The following SLC24A3 variants were observed in gnomAD, a reference collection of about 807,000 sequenced individuals.
SLC24A3 encodes the protein solute carrier family 24 member 3.
In SLC24A3, 28 loss-of-function variants were observed where a neutral mutation model predicts 75.8. That is an observed-to-expected ratio of 0.37 (90% CI 0.27 to 0.51). The LOEUF is 0.51. Among genes scored for constraint, SLC24A3 ranks in the 20% least tolerant of loss-of-function variants. The pLI is 0.94. For missense variants in SLC24A3, 663 were observed against 847.8 expected, an observed-to-expected ratio of 0.78 and a Z score of 2.71; for synonymous variants, 372 against 334.1, an observed-to-expected ratio of 1.11 and a Z score of -1.24.
intron 1 of SLC24A3, among the ~76,000 whole-genome samples, chr20:19,271,163 A>T (rs1467519237): frequency 6.6e-6 from 1 of 152,284 alleles, no homozygotes; most frequent in East Asian, 1.9e-4. Context: ...GGATGTTCTG[A>T]AAAGAGAAAG....
intron 6 of SLC24A3, among the ~76,000 whole-genome samples, chr20:19,613,228 T>C (rs2122665873): frequency 6.6e-6 from 1 of 152,330 alleles, no homozygotes; most frequent in Middle Eastern, 3.4e-3. Context: ...TTGTGTATTA[T>C]AAAACTTCCT....
In SLC24A3 at chr20:19,573,612, G is replaced by T. The variant is rs781162583; in HGVS notation, c.349-6388G>T. On this transcript the variant is annotated intron_variant, in intron 3 of 16. Transcript: ENST00000328041. Reference sequence around the variant, plus strand: ...GATTTCAGGAATTAGTCCAGATGGTGCATGGTGTCCTCAGGGCCCTGCTGC... The same window carrying T: ...GATTTCAGGAATTAGTCCAGATGGTTCATGGTGTCCTCAGGGCCCTGCTGC... Among the ~76,000 whole-genome samples the T allele has an allele frequency of 2.6e-4, 40 of 152,220 alleles. 1 individual carries two copies. The highest frequency in any genetic ancestry group is 1.0e-4 in the Non-Finnish European group (7 of 68,040).
chr20:19,673,566 A>T (rs1305082071), intron 8 of SLC24A3, 35 bp from the exon 9 acceptor site: 1 of 1,598,466 alleles, frequency 6.3e-7, no homozygotes, highest in East Asian at 2.2e-5. Context: ...ACAGATGTCC[A>T]TGACTGTCTT....
intron 12 of SLC24A3, among the ~76,000 whole-genome samples, chr20:19,690,575 A>T (rs1408848920): frequency 2.6e-5 from 4 of 152,182 alleles, no homozygotes; most frequent in Non-Finnish European, 5.9e-5. Flanking sequence ...GGCATCAGCC[A>T]TATGGAAGGC....
intron 4 of SLC24A3, among the ~76,000 whole-genome samples, chr20:19,581,229 G>A (rs1348905650): frequency 2.0e-5 from 3 of 152,144 alleles, no homozygotes; most frequent in African/African-American, 7.2e-5. Flanking sequence ...TGAGAGTGGG[G>A]TCACCTTATG....
At chr20:19,439,607 A>G (rs1232751216) in intron 2 of SLC24A3, among the ~76,000 whole-genome samples, 1 of 152,208 alleles carries the variant, frequency 6.6e-6, no homozygotes, top group Non-Finnish European at 1.5e-5. Context: ...AGCCTGATTC[A>G]CCAAAAACAA....
intron 3 of SLC24A3, among the ~76,000 whole-genome samples, chr20:19,534,322 A>T (rs1181880780): frequency 6.6e-6 from 1 of 152,260 alleles, no homozygotes; most frequent in Admixed American, 6.5e-5. Flanking sequence ...AGCAACAGGC[A>T]ATCTGAGACC....
chr20:19,233,331 A>G (rs1347186537), intron 1 of SLC24A3, among the ~76,000 whole-genome samples: 1 of 152,194 alleles, frequency 6.6e-6, no homozygotes, highest in Non-Finnish European at 1.5e-5. Flanking sequence ...TTTGCCTAAG[A>G]TGGCAAGAAC....
At chr20:19,409,869 A>G (rs1186447341) in intron 2 of SLC24A3, among the ~76,000 whole-genome samples, 1 of 150,524 alleles carries the variant, frequency 6.6e-6, no homozygotes, top group Non-Finnish European at 1.5e-5. Context: ...ATATATATGT[A>G]TTCAAAAAAT....
intron 15 of SLC24A3, among the ~76,000 whole-genome samples, chr20:19,712,645 T>G (rs2033003942): frequency 6.6e-6 from 1 of 152,182 alleles, no homozygotes; most frequent in African/African-American, 2.4e-5. Flanking sequence ...TCTTCATTAA[T>G]GGCTAGCCTG....
At chr20:19,291,198 TC>T (rs569735407) in intron 2 of SLC24A3, among the ~76,000 whole-genome samples, 98 of 152,278 alleles carry the variant, frequency 6.4e-4, no homozygotes, top group African/African-American at 2.3e-3. Flanking sequence ...TCTCTGACAC[TC>T]CCAGGCCTGG....
chr20:19,579,330 G>T (rs2031185821), intron 3 of SLC24A3, among the ~76,000 whole-genome samples: 1 of 152,158 alleles, frequency 6.6e-6, no homozygotes, highest in African/African-American at 2.4e-5. Flanking sequence ...GGAATACCCT[G>T]GTCATAGCTG....
At chr20:19,408,492 C>T (rs180692981) in intron 2 of SLC24A3, among the ~76,000 whole-genome samples, 5 of 151,720 alleles carry the variant, frequency 3.3e-5, no homozygotes, top group African/African-American at 4.8e-5. Context: ...CAGGTTCAAG[C>T]GATTCTCCTG....
intron 6 of SLC24A3, among the ~76,000 whole-genome samples, chr20:19,645,395 A>G (rs2032125412): frequency 6.6e-6 from 1 of 152,216 alleles, no homozygotes; most frequent in African/African-American, 2.4e-5. Context: ...ATCAGGGATC[A>G]CAGATGCATA....
chr20:19,449,950 A>G (rs1170825881), intron 2 of SLC24A3, among the ~76,000 whole-genome samples: 1 of 152,206 alleles, frequency 6.6e-6, no homozygotes, highest in East Asian at 1.9e-4. Flanking sequence ...TCATTTATGC[A>G]TGCATTCATT....
chr20:19,431,333 C>T (rs1987099390), intron 2 of SLC24A3, among the ~76,000 whole-genome samples: 1 of 152,064 alleles, frequency 6.6e-6, no homozygotes, highest in South Asian at 2.1e-4. Context: ...ACCCCTGCAC[C>T]TTCTGACCCA....
chr20:19,679,268 A>G (rs1476893110), intron 9 of SLC24A3, among the ~76,000 whole-genome samples: 3 of 152,184 alleles, frequency 2.0e-5, no homozygotes, highest in African/African-American at 7.2e-5. Flanking sequence ...CCGGAGGCCG[A>G]GGCTGGCGGA....
chr20:19,264,844 G>C (rs983210148), intron 1 of SLC24A3, among the ~76,000 whole-genome samples: 9 of 152,126 alleles, frequency 5.9e-5, no homozygotes, highest in African/African-American at 2.2e-4. Flanking sequence ...TCTTCACGTG[G>C]ACAATTCTGG....
At chr20:19,412,521 CAGG>C (rs1350489187) in intron 2 of SLC24A3, among the ~76,000 whole-genome samples, 2 of 150,134 alleles carry the variant, frequency 1.3e-5, no homozygotes, top group Non-Finnish European at 3.0e-5. Flanking sequence ...GATGAGGAAG[CAGG>C]AGGAGAAGGA....
Sources: gnomAD v4.1 joint callset for allele counts (sites outside exome capture counted in the v4.1 genomes callset) on GRCh38, gnomAD v4.1.1 for gene constraint, MANE v1.5 for transcripts, NCBI Gene and HGNC (gene_info 2026-07-23, HGNC 2026-07-21) for gene names.